The following CAMK2B variants were observed in gnomAD, a reference collection of about 807,000 sequenced individuals.
CAMK2B encodes calcium/calmodulin dependent protein kinase II beta.
Under a neutral mutation model 93.7 loss-of-function variants are expected in CAMK2B, and 27 were observed. The observed-to-expected ratio is 0.29, with a 90% CI of 0.21 to 0.40. The LOEUF is 0.40. CAMK2B is among the 10% of genes least tolerant of loss of function. The probability of loss-of-function intolerance (pLI) is 1.00; values close to 1 mark genes in which losing one functional copy is unlikely to be tolerated. For missense variants in CAMK2B, 568 were observed against 895.8 expected (o/e 0.63, Z 4.67); for synonymous variants, 374 against 358.8 (o/e 1.04, Z -0.48).
chr7:44,219,944 C>A (rs576164212), intron 23 of CAMK2B, 116 bp downstream of exon 23: 7 of 765,252 alleles, frequency 9.1e-6, no homozygotes, highest in Admixed American at 3.3e-5. Context: ...AGCTCAGGGA[C>A]TTCCCAGGCA....
chr7:44,321,028 A>C (rs1478285720), intron 1 of CAMK2B, among the ~76,000 whole-genome samples: 1 of 152,142 alleles, frequency 6.6e-6, no homozygotes, highest in Non-Finnish European at 1.5e-5. Flanking sequence ...AGCCCAAGGG[A>C]GTGAGCTGTG....
intron 13 of CAMK2B, among the ~76,000 whole-genome samples, chr7:44,235,987 C>CAGA (rs1282260042): frequency 2.7e-5 from 3 of 109,396 alleles, no homozygotes; most frequent in African/African-American, 1.1e-4. Flanking sequence ...CCCCCAACCC[C>CAGA]AGCAGCAGCA....
At chr7:44,308,813 G>A (rs577490404) in intron 1 of CAMK2B, among the ~76,000 whole-genome samples, 6 of 152,270 alleles carry the variant, frequency 3.9e-5, no homozygotes, top group African/African-American at 1.2e-4. Flanking sequence ...CACATCAGGC[G>A]GTGTGCGAGC....
chr7:44,244,828 A>C (rs1323701430), intron 6 of CAMK2B: 2 of 416,890 alleles, frequency 4.8e-6, no homozygotes, highest in Non-Finnish European at 4.9e-6. Flanking sequence ...AGGCGGGATG[A>C]GGCCGTGTGC....
At chr7:44,307,767 T>C (rs541856580) in intron 1 of CAMK2B, among the ~76,000 whole-genome samples, 6 of 152,148 alleles carry the variant, frequency 3.9e-5, no homozygotes, top group Non-Finnish European at 5.9e-5. Context: ...CGCTGAGAGC[T>C]GACCCTTGTT....
chr7:44,262,962 G>A, intron 3 of CAMK2B, 43 bp downstream of exon 3: 4 of 1,549,274 alleles, frequency 2.6e-6, no homozygotes, highest in South Asian at 1.1e-5. Flanking sequence ...CTGTCCGGGA[G>A]AAGGTGGGGA....
chr7:44,217,945 G>C lies in CAMK2B; in HGVS notation c.*1580C>G, dbSNP rs1408774004. ...CCCATGGTACACACCATCACAAGGG[G>C]CCGGGGACCCACCGCCTCGAACCCA... On this transcript the variant is annotated 3_prime_UTR_variant, in exon 24 of 24. Coordinates refer to ENST00000395749, the MANE Select transcript of CAMK2B (RefSeq NM_001220.5). The C allele has an allele frequency of 6.6e-6, 1 of 152,284 alleles. No individual in the cohort carries two copies. Among genetic ancestry groups the C allele is most frequent in the Admixed American group, 6.6e-5 (1 of 15,266 alleles). 9.4% of individuals were successfully genotyped at this position (152,284 alleles called of 1,614,324 possible).
At chr7:44,240,908 C>A (rs1179110595) in intron 11 of CAMK2B, among the ~76,000 whole-genome samples, 159 bp from the exon 12 acceptor site, 1 of 152,138 alleles carries the variant, frequency 6.6e-6, no homozygotes, top group Non-Finnish European at 1.5e-5. Context: ...CTCCAGGAAG[C>A]CAGCAGCCGC....
At chr7:44,305,164 C>T (rs1057145194) in intron 1 of CAMK2B, among the ~76,000 whole-genome samples, 6 of 152,194 alleles carry the variant, frequency 3.9e-5, no homozygotes, top group African/African-American at 1.4e-4. Flanking sequence ...GACTGTAATA[C>T]CCACCTACGC....
At chr7:44,237,235 G>A (rs1276652557) in intron 13 of CAMK2B, among the ~76,000 whole-genome samples, 2 of 152,178 alleles carry the variant, frequency 1.3e-5, no homozygotes, top group Non-Finnish European at 2.9e-5. Context: ...CAGAGACCCC[G>A]GACAGTCCTT....
At chr7:44,260,979 C>A (rs113503864) in intron 3 of CAMK2B, among the ~76,000 whole-genome samples, 2,304 of 152,332 alleles carry the variant, frequency 0.015, 12 homozygotes, top group South Asian at 0.025. Flanking sequence ...GGGACTCCAC[C>A]AGCTAAGGCA....
chr7:44,231,234 G>A (rs776460822), intron 16 of CAMK2B, among the ~76,000 whole-genome samples, 180 bp from the exon 17 acceptor site: 1 of 152,216 alleles, frequency 6.6e-6, no homozygotes, highest in South Asian at 2.1e-4. Context: ...GCCCTCTGGC[G>A]GCTGCAGGGC....
rs1331790647 is a variant in CAMK2B, at chr7:44,224,577, C to T, written c.1597+1939G>A. On this transcript the variant is annotated intron_variant, in intron 20 of 23. Coordinates refer to ENST00000395749, the MANE Select transcript of CAMK2B (RefSeq NM_001220.5). The surrounding 1 kb of genome is among the most constrained non-coding windows in gnomAD (Gnocchi z 4.4). Reference sequence around the variant, plus strand: ...TGCCTGTGGCTCTCTTGGGGTGAGGCAACAGGTCCAGGCAGGCCTAATGCG... The same window carrying T: ...TGCCTGTGGCTCTCTTGGGGTGAGGTAACAGGTCCAGGCAGGCCTAATGCG... 6.6e-6 allele frequency among the ~76,000 whole-genome samples: 1 copy of T among 152,158 alleles called. No individual in the cohort carries two copies. Among genetic ancestry groups the T allele is most frequent in the Non-Finnish European group, 1.5e-5 (1 of 68,020 alleles).
intron 4 of CAMK2B, among the ~76,000 whole-genome samples, chr7:44,257,465 C>T (rs151257991): frequency 3.7e-4 from 57 of 152,374 alleles, no homozygotes; most frequent in African/African-American, 1.3e-3. Context: ...TCCTCGGCTC[C>T]TGTAACACAT....
At chr7:44,277,006 G>A (rs1360934274) in intron 2 of CAMK2B, among the ~76,000 whole-genome samples, 1 of 152,182 alleles carries the variant, frequency 6.6e-6, no homozygotes, top group East Asian at 1.9e-4. Flanking sequence ...CACGGACCCT[G>A]CACCAGGCTC....
Position 44,234,620 on chromosome 7 carries a change from G to C in CAMK2B, c.1059+19C>G. The C allele has an allele frequency of 6.2e-7, 1 of 1,613,814 alleles. No homozygotes were observed. Among genetic ancestry groups the C allele is most frequent in the Non-Finnish European group, 8.5e-7 (1 of 1,179,742 alleles). On this transcript the variant is annotated intron_variant, in intron 14 of 23. Coordinates refer to ENST00000395749, the MANE Select transcript of CAMK2B (RefSeq NM_001220.5). ...GGCTCTGGGCTCCCCGGCACCACAGGGCCCGGCTGGAGCCTCACCTTGACT... is the reference window on the plus strand; with the variant it reads ...GGCTCTGGGCTCCCCGGCACCACAGCGCCCGGCTGGAGCCTCACCTTGACT...
chr7:44,295,843 A>T (rs1788157411), intron 1 of CAMK2B, among the ~76,000 whole-genome samples: 1 of 152,166 alleles, frequency 6.6e-6, no homozygotes, highest in Non-Finnish European at 1.5e-5. Context: ...AGCCCCCTCC[A>T]GCCATCCTGT....
At chr7:44,303,077 T>C (rs1053031273) in intron 1 of CAMK2B, among the ~76,000 whole-genome samples, 1 of 152,192 alleles carries the variant, frequency 6.6e-6, no homozygotes. Context: ...CAGGTTAATA[T>C]ATAAAAGTCA....
At chr7:44,322,691 G>A (rs1796404635) in intron 1 of CAMK2B, among the ~76,000 whole-genome samples, 1 of 152,222 alleles carries the variant, frequency 6.6e-6, no homozygotes, top group African/African-American at 2.4e-5. Context: ...CAGGGCCCCA[G>A]AAAGCGGCCC....
Sources: gnomAD v4.1 joint callset for allele counts (sites outside exome capture counted in the v4.1 genomes callset) on GRCh38, gnomAD v4.1.1 for gene constraint, Gnocchi (gnomAD v3.1) non-coding constraint, MANE v1.5 for transcripts, NCBI Gene and HGNC (gene_info 2026-07-23, HGNC 2026-07-21) for gene names.